Variants in DYNLRB1 observed in about 807,000 individuals in gnomAD.
The protein encoded by DYNLRB1 is ROBL/LC7-like 1.
Under a neutral mutation model 13.5 loss-of-function variants are expected in DYNLRB1, and 6 were observed. The ratio of observed to expected loss-of-function variants is 0.44; its 90% CI spans 0.24 to 0.88. The LOEUF (loss-of-function observed/expected upper bound fraction) is 0.88. Ranked by LOEUF, DYNLRB1 falls within the 40% of genes least tolerant of loss-of-function variation. The pLI, the probability that DYNLRB1 is intolerant of heterozygous loss-of-function variation, is 0.21. For synonymous variants in DYNLRB1, 43 were observed against 45.0 expected (o/e 0.96, Z 0.18); for missense variants, 93 against 127.2 (o/e 0.73, Z 1.29).
intron 2 of DYNLRB1, among the ~76,000 whole-genome samples, chr20:34,529,646 T>C (rs1308033281): frequency 6.6e-6 from 1 of 151,616 alleles, no homozygotes; most frequent in Non-Finnish European, 1.5e-5. Flanking sequence ...GGAGAATCGC[T>C]TGAACCAAGG....
upstream of DYNLRB1, among the ~76,000 whole-genome samples, chr20:34,515,634 C>T (rs545320597): frequency 8.6e-5 from 4 of 46,514 alleles, no homozygotes; most frequent in African/African-American, 8.8e-4. Flanking sequence ...GCATCTTACC[C>T]GGAGACTCGA....
intron 1 of DYNLRB1, among the ~76,000 whole-genome samples, chr20:34,521,468 G>C (rs1979710732): frequency 6.6e-6 from 1 of 151,734 alleles, no homozygotes; most frequent in South Asian, 2.1e-4. Flanking sequence ...TATTTTGTCT[G>C]TTATATTTGA....
chr20:34,534,706 C>T lies in DYNLRB1; in HGVS notation c.158C>T (p.Ala53Val), dbSNP rs1164333186. 6 of 1,611,008 alleles carry T rather than the reference C, an allele frequency of 3.7e-6. No individual in the cohort carries two copies. Among genetic ancestry groups the T allele is most frequent in the Non-Finnish European group, 5.1e-6 (6 of 1,178,148 alleles). The change falls in exon 3 of 4, where the codon GCA (alanine) becomes GTA (valine). Residue 53 changes from alanine (A) to valine (V), a missense_variant. Coordinates refer to ENST00000357156, the MANE Select transcript of DYNLRB1 (RefSeq NM_014183.4). ...ASLMHSFILK[A>V]RSTVRDIDPQ... The stretch of plus-strand genomic sequence containing the variant: ...CTCATGCACAGCTTCATCCTGAAGG[C>T]ACGGAGCACCGTGCGTGACATCGAC...
chr20:34,521,692 C>T (rs1163958629), intron 1 of DYNLRB1, among the ~76,000 whole-genome samples: 2 of 152,126 alleles, frequency 1.3e-5, no homozygotes, highest in Non-Finnish European at 2.9e-5. Context: ...GGAACCTTGT[C>T]TCCATCATCC....
intron 3 of DYNLRB1, among the ~76,000 whole-genome samples, chr20:34,538,264 G>A (rs765532921): frequency 4.7e-5 from 7 of 149,958 alleles, no homozygotes; most frequent in East Asian, 2.0e-4. Context: ...CACCATGCCC[G>A]GCCAAGACAT....
intron 1 of DYNLRB1, among the ~76,000 whole-genome samples, chr20:34,518,797 T>C (rs1979478014): frequency 6.6e-6 from 1 of 152,104 alleles, no homozygotes; most frequent in Non-Finnish European, 1.5e-5. Context: ...ATGGCCCCCC[T>C]TTTTCTTACT....
chr20:34,538,535 C>T (rs1029641250), intron 3 of DYNLRB1, among the ~76,000 whole-genome samples: 2 of 152,200 alleles, frequency 1.3e-5, no homozygotes, highest in African/African-American at 4.8e-5. Context: ...CTTCAACACA[C>T]ACTACCTCTC....
chr20:34,526,229 C>G lies in DYNLRB1; in HGVS notation c.4-39C>G, dbSNP rs779764160. ...TGGGGTATGAGGAAGTTAATCCTGC[C>G]TATCGGCCTCTCCTAACCTTGGTCT... On this transcript the variant is annotated intron_variant, in intron 1 of 3. Coordinates refer to ENST00000357156, the MANE Select transcript of DYNLRB1 (RefSeq NM_014183.4). 3.1e-6 allele frequency: 5 copies of G among 1,609,824 alleles called. No individual in the cohort carries two copies. The South Asian group carries it at 5.5e-5, about 18-fold the overall frequency.
chr20:34,529,558 G>T (rs1337283285), intron 2 of DYNLRB1, among the ~76,000 whole-genome samples: 1 of 151,994 alleles, frequency 6.6e-6, no homozygotes, highest in Non-Finnish European at 1.5e-5. Flanking sequence ...GTGAAACCTT[G>T]TCTCTACTAA....
intron 1 of DYNLRB1, among the ~76,000 whole-genome samples, chr20:34,519,648 C>T (rs1274445141): frequency 1.3e-5 from 2 of 152,222 alleles, no homozygotes; most frequent in South Asian, 2.1e-4. Context: ...AGGTCTGTAT[C>T]GTATCCTAGT....
chr20:34,520,012 C>T (rs1239924119), intron 1 of DYNLRB1, among the ~76,000 whole-genome samples: 1 of 152,124 alleles, frequency 6.6e-6, no homozygotes, highest in African/African-American at 2.4e-5. Context: ...ATCTGTAATT[C>T]CAGCTGCTCA....
intron 3 of DYNLRB1, among the ~76,000 whole-genome samples, chr20:34,538,100 C>T (rs1208658843): frequency 7.3e-6 from 1 of 137,802 alleles, no homozygotes. Context: ...GCTGGGACCA[C>T]AGGCATGTGT....
intron 1 of DYNLRB1, among the ~76,000 whole-genome samples, chr20:34,523,755 A>T (rs1465998354): frequency 4.6e-5 from 7 of 152,138 alleles, no homozygotes; most frequent in Non-Finnish European, 8.8e-5. Flanking sequence ...TTTCCCACAA[A>T]TGTCAGTTTC....
rs538105358 is a variant in DYNLRB1, at chr20:34,538,124, A to ATTTT, written c.248-2437_248-2434dup. On this transcript the variant is annotated intron_variant, in intron 3 of 3. Coordinates refer to ENST00000357156, the MANE Select transcript of DYNLRB1 (RefSeq NM_014183.4). ...ACAGGCATGTGTCGCCACACCCAGCATTTTTTTTTTTTTTTTTTTTTTTGG... is the reference window on the plus strand; with the variant it reads ...ACAGGCATGTGTCGCCACACCCAGCATTTTTTTTTTTTTTTTTTTTTTTTTTTGG... 1.0e-3 allele frequency among the ~76,000 whole-genome samples: 82 copies of ATTTT among 80,062 alleles called. 2 individuals are homozygous for ATTTT. The highest frequency in any genetic ancestry group is 2.7e-3 in the African/African-American group (51 of 19,054). The allele number at this position is 80,062 out of a possible 152,430, so 52.5% of individuals were successfully genotyped here.
chr20:34,527,345 C>T (rs529227820), intron 2 of DYNLRB1, among the ~76,000 whole-genome samples: 9 of 152,284 alleles, frequency 5.9e-5, no homozygotes, highest in Admixed American at 4.6e-4. Flanking sequence ...TTGGCCAAGT[C>T]GCTTAAGCCT....
intron 3 of DYNLRB1, 42 bp from the exon 4 acceptor site, chr20:34,540,539 A>G: frequency 1.3e-6 from 2 of 1,580,888 alleles, no homozygotes; most frequent in Non-Finnish European, 1.7e-6. Flanking sequence ...TTTTTCTCTC[A>G]TTTTACATTT....
intron 1 of DYNLRB1, chr20:34,516,664 A>T (rs2146606420): frequency 6.8e-6 from 10 of 1,463,268 alleles, no homozygotes; most frequent in Non-Finnish European, 9.1e-6. Flanking sequence ...GGGCCGCCGG[A>T]TCCCGCTGCC....
chr20:34,529,495 G>A (rs1300703881), intron 2 of DYNLRB1, among the ~76,000 whole-genome samples: 4 of 152,122 alleles, frequency 2.6e-5, no homozygotes, highest in Non-Finnish European at 5.9e-5. Context: ...TTGGGAGGCC[G>A]AGGCGGGCGT....
chr20:34,516,831 A>G (rs937852533), intron 1 of DYNLRB1: 3 of 1,548,908 alleles, frequency 1.9e-6, no homozygotes, highest in Non-Finnish European at 2.6e-6. Flanking sequence ...TCTGCCAAGC[A>G]CTTTATGTAT....
Sources: allele counts gnomAD v4.1 joint callset (sites outside exome capture counted in the v4.1 genomes callset), GRCh38; gene constraint gnomAD v4.1.1; transcripts MANE v1.5; gene names NCBI Gene and HGNC (gene_info 2026-07-23, HGNC 2026-07-21).